The following GRM8 variants were observed in gnomAD, a reference collection of about 807,000 sequenced individuals.
The protein encoded by GRM8 is metabotropic glutamate receptor 8.
In GRM8, 47 loss-of-function variants were observed where a neutral mutation model predicts 87.2. That is an observed-to-expected ratio of 0.54 (90% CI 0.43 to 0.69). The LOEUF (loss-of-function observed/expected upper bound fraction) is 0.69, where lower values mean the gene tolerates loss of function less well. GRM8 is among the 30% of genes least tolerant of loss of function. The pLI is 0.00. For synonymous variants in GRM8, 396 were observed against 404.5 expected (o/e 0.98, Z 0.25); for missense variants, 1,019 against 1,139.2 (o/e 0.89, Z 1.52).
chr7:126,769,470 C>T (rs987542378), intron 7 of GRM8, among the ~76,000 whole-genome samples: 3 of 152,062 alleles, frequency 2.0e-5, no homozygotes, highest in African/African-American at 7.2e-5. Flanking sequence ...TTCAAGTCAA[C>T]CTACTGTTTC....
At chr7:127,191,867 A>G (rs1795046500) in intron 2 of GRM8, among the ~76,000 whole-genome samples, 2 of 152,182 alleles carry the variant, frequency 1.3e-5, no homozygotes, top group Non-Finnish European at 1.5e-5. Flanking sequence ...GTTTTGCTGA[A>G]GAGGCCCAAT....
At chr7:126,906,519 C>CT (rs1338750196) in intron 3 of GRM8, among the ~76,000 whole-genome samples, 1 of 152,076 alleles carries the variant, frequency 6.6e-6, no homozygotes, top group Non-Finnish European at 1.5e-5. Context: ...TTCAAAGAGA[C>CT]TAAGACATCA....
intron 2 of GRM8, among the ~76,000 whole-genome samples, chr7:127,117,165 T>G (rs575635751): frequency 2.0e-5 from 3 of 152,344 alleles, no homozygotes; most frequent in Admixed American, 2.0e-4. Flanking sequence ...GATTGAAAAG[T>G]AGGAGGAAAC....
chr7:127,251,350 T>C (rs377437764), intron 1 of GRM8: 12 of 152,160 alleles, frequency 7.9e-5, no homozygotes, highest in Admixed American at 2.6e-4. Flanking sequence ...TTTTTCTTTT[T>C]TGGTGATTCT....
chr7:126,787,238 C>A (rs779170399), intron 6 of GRM8, among the ~76,000 whole-genome samples: 7 of 152,044 alleles, frequency 4.6e-5, no homozygotes, highest in Non-Finnish European at 8.8e-5. Context: ...GAATTTATGT[C>A]ACCAACAAGT....
At position 126,770,069 on chromosome 7, in the gene GRM8, C is replaced by A; in HGVS notation, c.1157-4G>T. ...TCCCGAGCAATTCGCTCCAGCCCTG[C>A]AAAATAAAAAAGTAAAAACCATCAG... is the stretch of plus-strand genomic sequence containing the variant. On this transcript the variant is annotated splice_region_variant and splice_polypyrimidine_tract_variant and intron_variant, in intron 6 of 10. Coordinates refer to ENST00000339582, the MANE Select transcript of GRM8 (RefSeq NM_000845.3). 3.1e-6 allele frequency: 5 copies of A among 1,602,522 alleles called. No homozygotes were observed. The highest frequency in any genetic ancestry group is 1.3e-5 in the African/African-American group (1 of 74,520).
In GRM8 at chr7:127,242,171, C is replaced by T. The variant is rs752086912; in HGVS notation, c.510+524G>A. Among the ~76,000 whole-genome samples the T allele has an allele frequency of 1.2e-3, 179 of 152,028 alleles. 1 individual carries two copies. The highest frequency in any genetic ancestry group is 2.7e-3 in the Admixed American group (41 of 15,254). ...CTGCTCTATTGTAGTTATAATAAGC[C>T]TGACAATTTTATGACCATCTCATCT... On this transcript the variant is annotated intron_variant, in intron 2 of 10. Coordinates refer to ENST00000339582, the MANE Select transcript of GRM8 (RefSeq NM_000845.3).
intron 9 of GRM8, among the ~76,000 whole-genome samples, chr7:126,531,101 T>C (rs1814750785): frequency 6.6e-6 from 1 of 152,214 alleles, no homozygotes; most frequent in Non-Finnish European, 1.5e-5. Context: ...TTTTCAGATG[T>C]AGATTTAGGA....
chr7:126,476,241 A>C lies in GRM8; in HGVS notation c.2431-29869T>G, dbSNP rs575769217. Among the ~76,000 whole-genome samples the C allele has an allele frequency of 4.6e-5, 7 of 152,196 alleles. 1 individual carries two copies. The highest frequency in any genetic ancestry group is 1.4e-4 in the African/African-American group (6 of 41,542). Reference sequence around the variant, plus strand: ...TTTTGAGGCTGGGCAACATAGCAATACTCATCTCTAAAAATATGAAAATAA... The same window carrying C: ...TTTTGAGGCTGGGCAACATAGCAATCCTCATCTCTAAAAATATGAAAATAA... On this transcript the variant is annotated intron_variant, in intron 9 of 10. Transcript: ENST00000339582.
At chr7:126,853,539 G>C (rs1797411944) in intron 6 of GRM8, among the ~76,000 whole-genome samples, 1 of 152,128 alleles carries the variant, frequency 6.6e-6, no homozygotes, top group Admixed American at 6.6e-5. Context: ...ATTGAACCAA[G>C]TCGTTTTATG....
At chr7:126,538,128 C>T (rs1816061533) in intron 8 of GRM8, among the ~76,000 whole-genome samples, 1 of 152,110 alleles carries the variant, frequency 6.6e-6, no homozygotes, top group South Asian at 2.1e-4. Flanking sequence ...GGTTTCAATC[C>T]AGTGCATTTC....
chr7:126,478,972 G>A (rs758666070), intron 9 of GRM8, among the ~76,000 whole-genome samples: 10 of 152,044 alleles, frequency 6.6e-5, no homozygotes, highest in Non-Finnish European at 1.3e-4. Flanking sequence ...CAAAAGAGGG[G>A]TAGGTGGTAA....
chr7:126,918,568 A>G (rs1250012843), intron 3 of GRM8, among the ~76,000 whole-genome samples: 1 of 152,262 alleles, frequency 6.6e-6, no homozygotes, highest in Non-Finnish European at 1.5e-5. Context: ...GCTGGACTCA[A>G]TAAAATGTAA....
At chr7:127,191,043 T>C (rs140965843) in intron 2 of GRM8, among the ~76,000 whole-genome samples, 1 of 152,344 alleles carries the variant, frequency 6.6e-6, no homozygotes, top group African/African-American at 2.4e-5. Context: ...ACAAGGATTA[T>C]GAATAGATTA....
chr7:126,528,093 A>G (rs1451523192), intron 9 of GRM8, among the ~76,000 whole-genome samples: 3 of 152,118 alleles, frequency 2.0e-5, no homozygotes, highest in African/African-American at 7.2e-5. Context: ...AGTCCCAGTT[A>G]CTTGGGAGGC....
intron 7 of GRM8, among the ~76,000 whole-genome samples, chr7:126,627,842 T>C (rs1800850846): frequency 6.6e-6 from 1 of 152,218 alleles, no homozygotes; most frequent in Non-Finnish European, 1.5e-5. Context: ...TATGGAAACA[T>C]GGAGTGAACA....
intron 7 of GRM8, among the ~76,000 whole-genome samples, chr7:126,759,721 C>T (rs985155304): frequency 5.9e-5 from 9 of 152,146 alleles, no homozygotes; most frequent in African/African-American, 2.2e-4. Context: ...CCAACCCACT[C>T]ATCTCATCAT....
intron 6 of GRM8, among the ~76,000 whole-genome samples, chr7:126,832,203 G>GA (rs952455697): frequency 6.7e-6 from 1 of 149,140 alleles, no homozygotes. Context: ...AAAAGATAAA[G>GA]AAAGAAAAGA....
At chr7:127,153,562 G>A (rs1014199198) in intron 2 of GRM8, among the ~76,000 whole-genome samples, 1 of 152,128 alleles carries the variant, frequency 6.6e-6, no homozygotes, top group African/African-American at 2.4e-5. Flanking sequence ...TGACTTGAAA[G>A]AGTCACTTTG....
Sources: allele counts gnomAD v4.1 joint callset (sites outside exome capture counted in the v4.1 genomes callset), GRCh38; gene constraint gnomAD v4.1.1; transcripts MANE v1.5; gene names NCBI Gene and HGNC (gene_info 2026-07-23, HGNC 2026-07-21).